Variants in SLIRP observed in about 807,000 individuals in gnomAD.
SLIRP encodes the protein SRA stem-loop interacting RNA binding protein.
In SLIRP, 12 loss-of-function variants were observed where a neutral mutation model predicts 13.4. That is an observed-to-expected ratio of 0.89 (90% confidence interval 0.57 to 1.45). The LOEUF is 1.45. Among genes scored for constraint, SLIRP ranks in the 40% most tolerant of loss-of-function variants. SLIRP has a pLI of 0.00. For missense variants in SLIRP, 154 were observed against 132.2 expected (o/e 1.17, Z -0.81); for synonymous variants, 55 against 47.1 (o/e 1.17, Z -0.69).
intron 1 of SLIRP, chr14:77,710,562 A>G: frequency 5.5e-6 from 8 of 1,450,426 alleles, no homozygotes; most frequent in Non-Finnish European, 6.4e-6. Flanking sequence ...CAGGGATCAT[A>G]GTCCACATAG....
intron 1 of SLIRP, chr14:77,710,500 C>T (rs982609912): frequency 2.3e-5 from 25 of 1,083,170 alleles, no homozygotes; most frequent in Admixed American, 1.6e-4. Context: ...TTCAGTATAC[C>T]GGGAAACACA....
At chr14:77,717,442 TG>T in intron 3 of SLIRP, 53 bp from the exon 4 acceptor site, 3 of 1,456,864 alleles carry the variant, frequency 2.1e-6, no homozygotes, top group Middle Eastern at 1.7e-4. Context: ...ATTTTCAGTT[TG>T]AATGTTTTTG....
In SLIRP at chr14:77,710,902, T is replaced by A. The variant is rs1346669132; in HGVS notation, c.156+6T>A. Reference sequence around the variant, plus strand: ...GAAGGTGCATTTTACCTTTTGTAAGTATTAAGGAAAAGTAGGTGGGAGGTG... The same window carrying A: ...GAAGGTGCATTTTACCTTTTGTAAGAATTAAGGAAAAGTAGGTGGGAGGTG... On this transcript the variant is annotated splice_donor_region_variant and intron_variant, in intron 2 of 3. Coordinates refer to ENST00000557342, the MANE Select transcript of SLIRP (RefSeq NM_031210.6). 1.2e-6 allele frequency: 2 copies of A among 1,613,868 alleles called. No homozygotes were observed. The highest frequency in any genetic ancestry group is 1.7e-6 in the Non-Finnish European group (2 of 1,179,866).
At chr14:77,715,025 ATTATC>A (rs1290774159) in intron 2 of SLIRP, among the ~76,000 whole-genome samples, 2 of 151,846 alleles carry the variant, frequency 1.3e-5, no homozygotes, top group Non-Finnish European at 2.9e-5. Context: ...AGGGCTAAAT[ATTATC>A]TTTTCTTGTT....
chr14:77,717,510 TAGA>T lies in SLIRP; in HGVS notation c.282_284del (p.Arg95del). 1 of 1,614,132 alleles carries T rather than the reference TAGA, an allele frequency of 6.2e-7. No homozygotes were observed. The highest frequency in any genetic ancestry group is 8.5e-7 in the Non-Finnish European group (1 of 1,180,004). ...ATTTTTTTAAGGTCCAGGTTCACACTAGAAGGCCAAAACTTCCGCAAACATCTG... is the reference window on the plus strand; with the variant it reads ...ATTTTTTTAAGGTCCAGGTTCACACTAGGCCAAAACTTCCGCAAACATCTG... On this transcript the variant is annotated inframe_deletion, in exon 4 of 4. Coordinates refer to ENST00000557342, the MANE Select transcript of SLIRP (RefSeq NM_031210.6).
chr14:77,717,370 AC>A (rs367607989), intron 3 of SLIRP, 125 bp from the exon 4 acceptor site: 1 of 773,300 alleles, frequency 1.3e-6, no homozygotes. Flanking sequence ...AAACGAAAGA[AC>A]AAGGGACAAA....
At chr14:77,708,357 G>A (rs532097255) in intron 1 of SLIRP, 149 bp downstream of exon 1, 1 of 771,596 alleles carries the variant, frequency 1.3e-6, no homozygotes, top group Non-Finnish European at 2.1e-6. Context: ...AATTTTGTTT[G>A]CAGTTAACCG....
chr14:77,710,748 C>T, intron 1 of SLIRP, 90 bp from the exon 2 acceptor site: 1 of 1,586,904 alleles, frequency 6.3e-7, no homozygotes, highest in Non-Finnish European at 8.6e-7. Context: ...TTCCTGTCCA[C>T]AAGAAATCTG....
At position 77,708,192 on chromosome 14, in the gene SLIRP, T is replaced by C. The variant is rs1424959127; in HGVS notation, c.81T>C (p.Pro27=). 1.2e-6 allele frequency: 2 copies of C among 1,614,098 alleles called. No homozygotes were observed. The highest frequency in any genetic ancestry group is 1.7e-6 in the Non-Finnish European group (2 of 1,180,048). The change falls in exon 1 of 4, where the codon CCT becomes CCC. Residue 27 remains proline, a synonymous_variant. Coordinates refer to ENST00000557342, the MANE Select transcript of SLIRP (RefSeq NM_031210.6). ...CGGTTGCTTTTGTGAGAAGAATTCC[T>C]TGGACTGCGGCGTCGAGTGAGTGAT... ...NQPVAFVRRI[P]WTAASSQLKE... is the part of the protein sequence containing the mutation.
rs191769963 is a variant in SLIRP at position 77,713,135 on chromosome 14, A to G, written c.156+2239A>G. Among the ~76,000 whole-genome samples the G allele has an allele frequency of 9.8e-5, 15 of 152,336 alleles. No individual in the cohort carries two copies. The East Asian group carries it at 2.3e-3, about 23-fold the overall frequency. ...TTCTAATAAGGACTTGAGATTTCTA[A>G]TAATTGGCAGAGGATATTTTAAGTT... On this transcript the variant is annotated intron_variant, in intron 2 of 3. Coordinates refer to ENST00000557342, the MANE Select transcript of SLIRP (RefSeq NM_031210.6).
In SLIRP at chr14:77,708,126, A is replaced by C. The variant is rs780558432; in HGVS notation, c.15A>C (p.Ala5=). The part of the protein sequence containing the change: MAAS[A]ARGAAALRRS... ...TTAGTCTGAAGATGGCGGCCTCAGC[A>C]GCGAGAGGTGCTGCGGCGCTGCGTA... Residue 5 remains alanine, a synonymous_variant, in exon 1 of 4, where the codon GCA becomes GCC. Coordinates refer to ENST00000557342, the MANE Select transcript of SLIRP (RefSeq NM_031210.6). 1.9e-6 allele frequency: 3 copies of C among 1,614,010 alleles called. No homozygotes were observed. The highest frequency in any genetic ancestry group is 1.7e-5 in the Admixed American group (1 of 60,000).
At chr14:77,710,045 A>G (rs1318284194) in intron 1 of SLIRP, among the ~76,000 whole-genome samples, 1 of 152,216 alleles carries the variant, frequency 6.6e-6, no homozygotes, top group Non-Finnish European at 1.5e-5. Context: ...TTGGTGAACT[A>G]GGAGAACTAA....
chr14:77,713,010 T>A (rs1213729233), intron 2 of SLIRP, among the ~76,000 whole-genome samples: 1 of 152,142 alleles, frequency 6.6e-6, no homozygotes, highest in South Asian at 2.1e-4. Context: ...GCAAGTCAGG[T>A]TTCTCCTCCA....
At chr14:77,716,464 A>C (rs1394649441) in intron 3 of SLIRP, 1 of 152,068 alleles carries the variant, frequency 6.6e-6, no homozygotes, top group Admixed American at 6.6e-5. Flanking sequence ...CCTGACCAAC[A>C]TGGAGAAACC....
At chr14:77,712,692 C>T (rs987311154) in intron 2 of SLIRP, among the ~76,000 whole-genome samples, 11 of 152,074 alleles carry the variant, frequency 7.2e-5, no homozygotes, top group African/African-American at 2.2e-4. Flanking sequence ...GTGACCCGCC[C>T]GCCTGGGCTT....
At chr14:77,714,862 A>T (rs72685293) in intron 2 of SLIRP, among the ~76,000 whole-genome samples, 6 of 152,204 alleles carry the variant, frequency 3.9e-5, no homozygotes, top group African/African-American at 1.4e-4. Context: ...AGACATCTTA[A>T]TATCTGTTTT....
intron 1 of SLIRP, among the ~76,000 whole-genome samples, chr14:77,709,928 A>T (rs148943634): frequency 1.3e-5 from 2 of 152,096 alleles, no homozygotes; most frequent in Non-Finnish European, 2.9e-5. Flanking sequence ...CCTGCTGTTT[A>T]TTGGTCACTG....
intron 1 of SLIRP, among the ~76,000 whole-genome samples, chr14:77,709,176 T>C (rs1566820617): frequency 6.6e-6 from 1 of 152,352 alleles, no homozygotes; most frequent in East Asian, 1.9e-4. Context: ...AGTTCTGAAA[T>C]CTTTCACCAC....
chr14:77,717,342 A>G (rs1331906971), intron 3 of SLIRP, 154 bp from the exon 4 acceptor site: 8 of 676,662 alleles, frequency 1.2e-5, no homozygotes, highest in South Asian at 1.9e-5. Context: ...CAAAGATGGT[A>G]AAAGGAATTT....
Sources: allele counts gnomAD v4.1 joint callset (sites outside exome capture counted in the v4.1 genomes callset), GRCh38; gene constraint gnomAD v4.1.1; transcripts MANE v1.5; gene names NCBI Gene and HGNC (gene_info 2026-07-23, HGNC 2026-07-21).